The following KCNH5 variants were observed in gnomAD, a reference collection of about 807,000 sequenced individuals.
KCNH5 encodes voltage-gated delayed rectifier potassium channel KCNH5.
A neutral mutation model predicts 96.1 loss-of-function variants in KCNH5; 46 were observed. That is an observed-to-expected ratio of 0.48 (90% CI 0.38 to 0.61). The LOEUF (loss-of-function observed/expected upper bound fraction) is 0.61, where lower values mean the gene tolerates loss of function less well. KCNH5 is among the 20% of genes least tolerant of loss of function. KCNH5 has a pLI of 0.00. For synonymous variants in KCNH5, 439 were observed against 449.8 expected, an observed-to-expected ratio of 0.98 and a Z score of 0.30; for missense variants, 907 against 1,225.8, an observed-to-expected ratio of 0.74 and a Z score of 3.88.
At chr14:62,776,059 G>A (rs1044920731) in intron 10 of KCNH5, among the ~76,000 whole-genome samples, 9 of 152,058 alleles carry the variant, frequency 5.9e-5, no homozygotes, top group African/African-American at 1.7e-4. Context: ...ACGAGGTCAC[G>A]AGTTCAAGAC....
At chr14:63,001,606 C>T (rs1354282583) in intron 3 of KCNH5, 147 bp from the exon 4 acceptor site, 2 of 632,422 alleles carry the variant, frequency 3.2e-6, no homozygotes, top group South Asian at 2.8e-5. Flanking sequence ...TTACTACAAA[C>T]AATCCGTAAA....
At chr14:62,948,435 T>G (rs867469334) in intron 7 of KCNH5, among the ~76,000 whole-genome samples, 1 of 151,988 alleles carries the variant, frequency 6.6e-6, no homozygotes, top group East Asian at 1.9e-4. Flanking sequence ...CCTTGACACA[T>G]ACACTCTCCC....
intron 8 of KCNH5, among the ~76,000 whole-genome samples, chr14:62,803,225 T>C (rs1886701446): frequency 6.6e-6 from 1 of 151,828 alleles, no homozygotes; most frequent in Non-Finnish European, 1.5e-5. Context: ...CATCAAAGAG[T>C]CAAGTAAAAT....
At chr14:62,811,871 C>A (rs540645307) in intron 8 of KCNH5, among the ~76,000 whole-genome samples, 7 of 152,104 alleles carry the variant, frequency 4.6e-5, no homozygotes, top group Admixed American at 1.3e-4. Context: ...GCACTGGTTA[C>A]GTGTTAGTTA....
chr14:62,853,124 T>C (rs568602590), intron 7 of KCNH5, among the ~76,000 whole-genome samples: 1 of 152,248 alleles, frequency 6.6e-6, no homozygotes, highest in South Asian at 2.1e-4. Context: ...TTAAATCCAT[T>C]CTTTGATTCA....
At chr14:63,029,543 ATG>A (rs1891588138) in intron 1 of KCNH5, among the ~76,000 whole-genome samples, 1 of 152,058 alleles carries the variant, frequency 6.6e-6, no homozygotes, top group Non-Finnish European at 1.5e-5. Flanking sequence ...GTATGTATGT[ATG>A]TATGTAAGAG....
chr14:62,887,231 G>C (rs1215766400), intron 7 of KCNH5, among the ~76,000 whole-genome samples: 2 of 152,102 alleles, frequency 1.3e-5, no homozygotes, highest in Non-Finnish European at 2.9e-5. Context: ...CAGTTTGTAT[G>C]GTCTTTTTGG....
At chr14:62,959,892 A>G (rs534075633) in intron 6 of KCNH5, among the ~76,000 whole-genome samples, 27 of 152,216 alleles carry the variant, frequency 1.8e-4, no homozygotes, top group South Asian at 1.5e-3. Context: ...CTGTCAAGGC[A>G]TTTGTTTAAA....
At chr14:62,940,626 TC>T (rs1595693055) in intron 7 of KCNH5, among the ~76,000 whole-genome samples, 1 of 152,206 alleles carries the variant, frequency 6.6e-6, no homozygotes, top group Non-Finnish European at 1.5e-5. Flanking sequence ...TGCATGGAGT[TC>T]CCCGAAAGGG....
intron 8 of KCNH5, among the ~76,000 whole-genome samples, chr14:62,808,381 T>TA (rs1886811728): frequency 6.6e-6 from 1 of 152,140 alleles, no homozygotes; most frequent in Non-Finnish European, 1.5e-5. Flanking sequence ...TTCTGTAAAT[T>TA]AAACATTGGA....
chr14:62,878,224 C>A (rs770340777), intron 7 of KCNH5, among the ~76,000 whole-genome samples: 16 of 150,266 alleles, frequency 1.1e-4, no homozygotes, highest in Non-Finnish European at 1.9e-4. Context: ...GGAGGGATAG[C>A]ATTAGGAGAT....
intron 9 of KCNH5, among the ~76,000 whole-genome samples, chr14:62,790,876 G>C (rs1444854291): frequency 6.6e-6 from 1 of 151,686 alleles, no homozygotes; most frequent in Non-Finnish European, 1.5e-5. Context: ...GGTTTTTGTA[G>C]AATCTTTGGC....
chr14:62,781,808 G>A (rs368273986), intron 9 of KCNH5, among the ~76,000 whole-genome samples: 3 of 152,272 alleles, frequency 2.0e-5, no homozygotes, highest in Admixed American at 1.3e-4. Flanking sequence ...AATTTGTGCA[G>A]TTAATGCAAT....
intron 10 of KCNH5, among the ~76,000 whole-genome samples, chr14:62,752,722 C>T (rs948220250): frequency 4.6e-5 from 7 of 152,022 alleles, no homozygotes; most frequent in African/African-American, 1.4e-4. Context: ...GGGGCAGTTT[C>T]CCCCATGCTG....
intron 4 of KCNH5, among the ~76,000 whole-genome samples, chr14:62,994,075 T>C (rs1890863005): frequency 2.0e-5 from 3 of 152,070 alleles, no homozygotes; most frequent in Non-Finnish European, 2.9e-5. Context: ...CAGAGGCAGT[T>C]AAATCAATCT....
At chr14:62,917,105 T>C (rs1038984880) in intron 7 of KCNH5, among the ~76,000 whole-genome samples, 4 of 152,238 alleles carry the variant, frequency 2.6e-5, no homozygotes, top group African/African-American at 7.2e-5. Flanking sequence ...TATATTTAAC[T>C]GCCCTGAGAG....
At chr14:62,874,144 A>G (rs951061667) in intron 7 of KCNH5, among the ~76,000 whole-genome samples, 1 of 152,232 alleles carries the variant, frequency 6.6e-6, no homozygotes, top group African/African-American at 2.4e-5. Flanking sequence ...GACACTTTGT[A>G]TATCTGTTTA....
chr14:62,847,301 T>A (rs576037865), intron 8 of KCNH5, among the ~76,000 whole-genome samples: 1 of 152,046 alleles, frequency 6.6e-6, no homozygotes, highest in South Asian at 2.1e-4. Flanking sequence ...GTATAGCATA[T>A]GGTGTGTAAT....
At chr14:62,723,137 ATT>A (rs11358916) in intron 10 of KCNH5, among the ~76,000 whole-genome samples, 1 of 148,310 alleles carries the variant, frequency 6.7e-6, no homozygotes, top group Admixed American at 6.7e-5. Flanking sequence ...ATCTTTAAAG[ATT>A]TTTTTTTTTA....
Sources: allele counts gnomAD v4.1 joint callset (sites outside exome capture counted in the v4.1 genomes callset), GRCh38; gene constraint gnomAD v4.1.1; transcripts MANE v1.5; gene names NCBI Gene and HGNC (gene_info 2026-07-23, HGNC 2026-07-21).